NUP62CL: variants seen among roughly 807,000 people sequenced by gnomAD.
NUP62CL encodes nucleoporin 62 C-terminal like, also known as nucleoporin-62 C-terminal-like protein.
In NUP62CL, 13 loss-of-function variants were observed where a neutral mutation model predicts 15.3. That is an observed-to-expected ratio of 0.85 (90% CI 0.55 to 1.35). NUP62CL has a LOEUF of 1.35. Ranked by LOEUF, NUP62CL falls within the 40% of genes most tolerant of loss-of-function variation. NUP62CL has a pLI of 0.00. For missense variants in NUP62CL, 123 were observed against 130.6 expected (o/e 0.94, Z 0.28); for synonymous variants, 54 against 49.2 (o/e 1.10, Z -0.41).
chrX:107,146,252 C>T (rs779448587), intron 8 of NUP62CL, among the ~76,000 whole-genome samples: 6 of 111,475 alleles, frequency 5.4e-5, no homozygotes, highest in Non-Finnish European at 1.1e-4. Context: ...TATTCTCCAG[C>T]GATCTTAAAC....
At position 107,197,494 on chromosome X, in the gene NUP62CL, T is replaced by C. The variant is rs188761803; in HGVS notation, c.-91-4422A>G. Among the ~76,000 whole-genome samples, 3 of 110,467 alleles carry C rather than the reference T, an allele frequency of 2.7e-5. No individual in the cohort carries two copies. In the East Asian group the frequency reaches 8.4e-4, roughly 31 times the overall value. The stretch of plus-strand genomic sequence containing the variant: ...CTCTCTTCCTCTTCTAAGTAACCTC[T>C]CCTTATCCACACTGCCTAACTACAG... On this transcript the variant is annotated intron_variant, in intron 1 of 8. Transcript: ENST00000372466.
rs1458262356 is a variant in NUP62CL, at chrX:107,195,705, G to A, written c.-91-2633C>T. Among the ~76,000 whole-genome samples, 3 of 111,669 alleles carry A rather than the reference G, an allele frequency of 2.7e-5. No homozygotes were observed. The South Asian group carries it at 1.1e-3, about 42-fold the overall frequency. Reference sequence around the variant, plus strand: ...ATACACATCTTAAAACTTTTTAAATGTGAGCTCCAAATGGTGATTTCAACT... The same window carrying A: ...ATACACATCTTAAAACTTTTTAAATATGAGCTCCAAATGGTGATTTCAACT... On this transcript the variant is annotated intron_variant, in intron 1 of 8. Coordinates refer to ENST00000372466, the MANE Select transcript of NUP62CL (RefSeq NM_017681.3).
intron 3 of NUP62CL, among the ~76,000 whole-genome samples, chrX:107,168,054 C>T (rs1179433694): frequency 9.0e-6 from 1 of 111,195 alleles, no homozygotes; most frequent in Non-Finnish European, 1.9e-5. Context: ...CAAATCAATC[C>T]TCAAAATTCT....
At chrX:107,184,940 T>C (rs763126103) in intron 2 of NUP62CL, among the ~76,000 whole-genome samples, 1 of 111,300 alleles carries the variant, frequency 9.0e-6, no homozygotes, top group South Asian at 3.8e-4. Flanking sequence ...AGCCCAATAC[T>C]TTTCAAGTGC....
intron 1 of NUP62CL, 118 bp downstream of exon 1, chrX:107,206,155 C>T (rs1309707756): frequency 1.8e-5 from 2 of 110,861 alleles, no homozygotes; most frequent in African/African-American, 3.3e-5. Context: ...CTTCTGCCCC[C>T]GTCTCTCCAG....
intron 2 of NUP62CL, among the ~76,000 whole-genome samples, chrX:107,190,022 A>G (rs1927202529): frequency 9.0e-6 from 1 of 111,502 alleles, no homozygotes; most frequent in African/African-American, 3.3e-5. Flanking sequence ...CCAAAAGATT[A>G]TATACTATAT....
intron 3 of NUP62CL, among the ~76,000 whole-genome samples, chrX:107,172,486 G>T (rs1027583259): frequency 8.9e-6 from 1 of 111,939 alleles, no homozygotes; most frequent in African/African-American, 3.2e-5. Flanking sequence ...CCAAAATGGA[G>T]TCTAACTTAA....
At position 107,161,308 on chromosome X, in the gene NUP62CL, C is replaced by T. The variant is rs1327941710; in HGVS notation, c.194+6341G>A. ...TATATACCCAAATGACTATAAATCACGCTGCTATAAAGACACATGCACACG... is the reference window on the plus strand; with the variant it reads ...TATATACCCAAATGACTATAAATCATGCTGCTATAAAGACACATGCACACG... On this transcript the variant is annotated intron_variant, in intron 4 of 8. Transcript: ENST00000372466. 9.9e-3 allele frequency among the ~76,000 whole-genome samples: 978 copies of T among 98,637 alleles called. 14 individuals are homozygous for T. Among genetic ancestry groups the T allele is most frequent in the Middle Eastern group, 0.016 (3 of 192 alleles). The allele number at this position is 98,637 out of a possible 115,157, so 85.7% of individuals were successfully genotyped here.
chrX:107,204,909 TTAAA>T (rs1383565213), intron 1 of NUP62CL, among the ~76,000 whole-genome samples: 2 of 94,698 alleles, frequency 2.1e-5, no homozygotes, highest in Non-Finnish European at 4.2e-5. Flanking sequence ...TAAATAAATT[TTAAA>T]TAAATTATTT....
At chrX:107,170,070 T>C (rs1346362264) in intron 3 of NUP62CL, among the ~76,000 whole-genome samples, 1 of 107,916 alleles carries the variant, frequency 9.3e-6, no homozygotes, top group African/African-American at 3.4e-5. Flanking sequence ...ATCAGCCAGA[T>C]GTGGTGCACA....
At chrX:107,205,038 T>C (rs1927640572) in intron 1 of NUP62CL, among the ~76,000 whole-genome samples, 1 of 110,721 alleles carries the variant, frequency 9.0e-6, no homozygotes, top group Non-Finnish European at 1.9e-5. Flanking sequence ...TGGTGTACAT[T>C]TTTTAAAATG....
At chrX:107,149,449 G>GACAAATA (rs1925958805) in intron 7 of NUP62CL, among the ~76,000 whole-genome samples, 1 of 111,963 alleles carries the variant, frequency 8.9e-6, no homozygotes, top group Admixed American at 9.5e-5. Context: ...ATTTGTCTTT[G>GACAAATA]TTCAACTTTA....
At chrX:107,144,786 C>A (rs1481106603) in intron 8 of NUP62CL, among the ~76,000 whole-genome samples, 1 of 111,420 alleles carries the variant, frequency 9.0e-6, no homozygotes, top group Non-Finnish European at 1.9e-5. Context: ...TCTCTAGATC[C>A]AATTTAATAG....
At chrX:107,177,959 C>T (rs1230319746) in intron 2 of NUP62CL, among the ~76,000 whole-genome samples, 3 of 111,363 alleles carry the variant, frequency 2.7e-5, no homozygotes, top group Non-Finnish European at 5.7e-5. Context: ...ATCCAAATGC[C>T]TATTAACTGA....
intron 4 of NUP62CL, among the ~76,000 whole-genome samples, chrX:107,162,711 G>C (rs1163711517): frequency 8.9e-6 from 1 of 112,021 alleles, no homozygotes; most frequent in East Asian, 2.8e-4. Context: ...AGATTAAACA[G>C]AAAGGAAATG....
intron 7 of NUP62CL, among the ~76,000 whole-genome samples, chrX:107,151,381 A>G (rs1926006474): frequency 9.0e-6 from 1 of 111,452 alleles, no homozygotes; most frequent in Non-Finnish European, 1.9e-5. Flanking sequence ...AAATTTTCAA[A>G]ATAAAACCTC....
intron 1 of NUP62CL, among the ~76,000 whole-genome samples, chrX:107,197,021 T>C (rs1204308734): frequency 8.9e-6 from 1 of 112,114 alleles, no homozygotes; most frequent in Non-Finnish European, 1.9e-5. Context: ...CGAAATATTT[T>C]AAATCCAATC....
chrX:107,163,892 A>C (rs1336784459), intron 4 of NUP62CL, among the ~76,000 whole-genome samples: 1 of 111,880 alleles, frequency 8.9e-6, no homozygotes, highest in Non-Finnish European at 1.9e-5. Flanking sequence ...GGAGAAATAG[A>C]GAAATCCACA....
At chrX:107,166,224 A>C (rs914682001) in intron 4 of NUP62CL, among the ~76,000 whole-genome samples, 3 of 112,073 alleles carry the variant, frequency 2.7e-5, no homozygotes, top group African/African-American at 9.7e-5. Flanking sequence ...AAAAAATCAA[A>C]TAATCCAAGT....
Sources: allele counts gnomAD v4.1 joint callset (sites outside exome capture counted in the v4.1 genomes callset), GRCh38; gene constraint gnomAD v4.1.1; transcripts MANE v1.5; gene names NCBI Gene and HGNC (gene_info 2026-07-23, HGNC 2026-07-21).